Variants in EPG5 observed in about 807,000 individuals in gnomAD.
EPG5 encodes the protein ectopic P granules protein 5 homolog.
In EPG5, 159 loss-of-function variants were observed where a neutral mutation model predicts 302.7. That is an observed-to-expected ratio of 0.53 (90% CI 0.46 to 0.60). The LOEUF is 0.60. Among genes scored for constraint, EPG5 ranks in the 20% least tolerant of loss-of-function variants. EPG5 has a pLI of 0.00. For synonymous variants in EPG5, 1,158 were observed against 1,136.8 expected (o/e 1.02, Z -0.37); for missense variants, 2,896 against 3,092.4 (o/e 0.94, Z 1.51).
At chr18:45,911,473 TAG>T (rs1568146586) in intron 22 of EPG5, among the ~76,000 whole-genome samples, 214 of 151,998 alleles carry the variant, frequency 1.4e-3, no homozygotes, top group African/African-American at 5.0e-3. Context: ...TTTTTTTTTT[TAG>T]TAGAGACGGG....
chr18:45,932,361 A>T (rs926379707), intron 11 of EPG5, among the ~76,000 whole-genome samples: 3 of 152,202 alleles, frequency 2.0e-5, no homozygotes, highest in African/African-American at 7.2e-5. Context: ...TGTTGATTAG[A>T]CTAGAAATAA....
rs534440575 is a variant in EPG5, at chr18:45,903,912, A to C, written c.4474+61T>G. On this transcript the variant is annotated intron_variant, in intron 25 of 43. Transcript: ENST00000282041. ...ATAAAGTATGTCAGCCTCAACCCTCAATGGCTCTGATTCAATCATTCATTC... is the reference window on the plus strand; with the variant it reads ...ATAAAGTATGTCAGCCTCAACCCTCCATGGCTCTGATTCAATCATTCATTC... 2.5e-4 allele frequency: 375 copies of C among 1,513,418 alleles called. 3 individuals are homozygous for C. The South Asian group carries it at 4.6e-3, about 19-fold the overall frequency. 93.7% of individuals were successfully genotyped at this position (1,513,418 alleles called of 1,614,324 possible).
chr18:45,837,868 C>A, the EPG5 span: 1 of 1,533,300 alleles, frequency 6.5e-7, no homozygotes, highest in Non-Finnish European at 8.7e-7. Flanking sequence ...GCTACGAGAG[C>A]CGCCACGGCG....
At position 45,922,334 on chromosome 18, in the gene EPG5, A is replaced by C. The variant is rs1170061169; in HGVS notation, c.3098+7T>G. 1.2e-6 allele frequency: 2 copies of C among 1,613,972 alleles called. No individual in the cohort carries two copies. The highest frequency in any genetic ancestry group is 2.7e-5 in the African/African-American group (2 of 74,938). On this transcript the variant is annotated splice_region_variant and intron_variant, in intron 16 of 43. Coordinates refer to ENST00000282041, the MANE Select transcript of EPG5 (RefSeq NM_020964.3). The stretch of plus-strand genomic sequence containing the variant: ...AGTAACCCTAGTGGTTCAGCCCAAC[A>C]CTGTACCTGTGGCCCACAGCTGTCA...
In EPG5 at chr18:45,929,025, G is replaced by A. The variant is rs550407878; in HGVS notation, c.2413-16C>T. The A allele has an allele frequency of 7.5e-5, 121 of 1,608,200 alleles. 2 individuals are homozygous for A. The South Asian group carries it at 1.1e-3, about 15-fold the overall frequency. ...CATAAGATACCTAAATGGGGGGAAG[G>A]GGGAAGAAGATGGCACTTTTAATAT... On this transcript the variant is annotated splice_polypyrimidine_tract_variant and intron_variant, in intron 12 of 43. Transcript: ENST00000282041.
chr18:45,955,061 C>A lies in EPG5; in HGVS notation c.341G>T (p.Gly114Val), dbSNP rs1465876496. The change falls in exon 2 of 44, where the codon GGG (glycine) becomes GTG (valine). Residue 114 changes from glycine to valine, a missense_variant. By Grantham distance (109) the Gly-to-Val change is moderately radical. Transcript: ENST00000282041. ...KEGGEARPCV[G>V]DSAVTPKVHP... ...GACCTTTGGAGTGACTGCACTGTCC[C>A]CCACACAGGGTCTGGCCTCTCCCCC... is the stretch of plus-strand genomic sequence containing the variant. 1.3e-5 allele frequency: 21 copies of A among 1,614,138 alleles called. No individual in the cohort carries two copies. Among genetic ancestry groups the A allele is most frequent in the Non-Finnish European group, 1.7e-5 (20 of 1,180,020 alleles).
chr18:45,932,341 G>A (rs926834275), intron 11 of EPG5, among the ~76,000 whole-genome samples: 6 of 152,122 alleles, frequency 3.9e-5, no homozygotes, highest in Non-Finnish European at 4.4e-5. Context: ...CACTTTACTA[G>A]TAGTCAGAAT....
chr18:45,936,865 T>C (rs2050540905), intron 10 of EPG5, among the ~76,000 whole-genome samples: 1 of 150,192 alleles, frequency 6.7e-6, no homozygotes, highest in Non-Finnish European at 1.5e-5. Flanking sequence ...AATCATCCAA[T>C]TACAAATTAT....
the EPG5 span, among the ~76,000 whole-genome samples, chr18:45,814,579 C>A: frequency 1.9e-3 from 282 of 152,174 alleles, no homozygotes; most frequent in Admixed American, 3.9e-3. Context: ...AAAGTTAGAA[C>A]CTGAAATATT....
At chr18:45,835,696 C>G in the EPG5 span, among the ~76,000 whole-genome samples, 1 of 152,214 alleles carries the variant, frequency 6.6e-6, no homozygotes, top group Non-Finnish European at 1.5e-5. Context: ...TCCAGTAACA[C>G]TTTTACCTGA....
In EPG5 at chr18:45,880,194, A is replaced by T. The variant is rs1599479322; in HGVS notation, c.5548T>A (p.Cys1850Ser). The change falls in exon 32 of 44, where the codon TGT (cysteine) becomes AGT (serine). Residue 1850 changes from cysteine (C) to serine (S), a missense_variant. This residue lies in a region of EPG5 where 790 missense variants were observed against 798.0 expected (regional missense o/e 0.99). Transcript: ENST00000282041. ...AGGGCTCTCAGAGTGGCCTTCCAAC[A>T]CTCGGGGCTCAGAAGCTGCTCCGCG... Reference protein sequence around the residue: ...SSAEQLLSPECWKATLRALGC... With the variant: ...SSAEQLLSPESWKATLRALGC... 1 of 1,607,542 alleles carries T rather than the reference A, an allele frequency of 6.2e-7. No individual in the cohort carries two copies.
At chr18:45,836,181 G>A in the EPG5 span, among the ~76,000 whole-genome samples, 2 of 152,132 alleles carry the variant, frequency 1.3e-5, no homozygotes, top group Non-Finnish European at 2.9e-5. Flanking sequence ...AAGAGCACTG[G>A]GCTTGGGGTC....
the EPG5 span, among the ~76,000 whole-genome samples, chr18:45,816,672 G>A: frequency 2.6e-5 from 4 of 152,180 alleles, no homozygotes; most frequent in South Asian, 6.2e-4. Context: ...GCTGCAGTTG[G>A]GAATGTAAGT....
At chr18:45,857,099 G>GTTTA (rs72476881) in intron 42 of EPG5, among the ~76,000 whole-genome samples, 1,786 of 150,634 alleles carry the variant, frequency 0.012, 16 homozygotes, top group Middle Eastern at 0.024. Context: ...TTATATTTGT[G>GTTTA]TTTATTTATT....
At chr18:45,909,509 T>A (rs1395661268) in intron 23 of EPG5, among the ~76,000 whole-genome samples, 1 of 152,170 alleles carries the variant, frequency 6.6e-6, no homozygotes. Context: ...CTAGCTATTG[T>A]GTATTGAGGA....
chr18:45,911,004 T>C (rs112361696), intron 22 of EPG5, among the ~76,000 whole-genome samples: 1 of 151,938 alleles, frequency 6.6e-6, no homozygotes, highest in Non-Finnish European at 1.5e-5. Context: ...TGGTTTCTAT[T>C]CTTGAAGAAC....
chr18:45,874,848 G>C (rs758558568), intron 35 of EPG5, among the ~76,000 whole-genome samples: 13 of 152,218 alleles, frequency 8.5e-5, no homozygotes, highest in Non-Finnish European at 1.8e-4. Flanking sequence ...CCATGGGCCA[G>C]AAGCAAAGAG....
At position 45,865,699 on chromosome 18, in the gene EPG5, C is replaced by T; in HGVS notation, c.6682G>A (p.Glu2228Lys). The T allele has an allele frequency of 1.2e-6, 2 of 1,613,334 alleles. No individual in the cohort carries two copies. Among genetic ancestry groups the T allele is most frequent in the South Asian group, 1.1e-5 (1 of 91,072 alleles). The change falls in exon 39 of 44, where the codon GAA becomes AAA. Residue 2228 changes from glutamate to lysine, a missense_variant. By Grantham distance (56) the Glu-to-Lys change is moderately conservative. Coordinates refer to ENST00000282041, the MANE Select transcript of EPG5 (RefSeq NM_020964.3). ...HQMVQFLSTLEQNGKITLAVL... is the reference protein window; with the variant it reads ...HQMVQFLSTLKQNGKITLAVL... ...GCTAAGGTGATTTTTCCATTTTGTT[C>T]CAGGGTGCTGAGGAATTGAACCATC... is the stretch of plus-strand genomic sequence containing the variant.
chr18:45,943,234 G>C lies in EPG5; in HGVS notation c.1870C>G (p.Leu624Val), dbSNP rs1482089047. ...TTAAAGGTTTCTAACCCCACAGCCA[G>C]AAGTTCCACTAGTGAGTTGGCAAAG... ...FAFANSLVEL[L>V]AVGLETFNRA... The change falls in exon 9 of 44, where the codon CTG becomes GTG. Residue 624 changes from leucine to valine, a missense_variant. Physicochemically the swap from Leu to Val is conservative, Grantham distance 32. Transcript: ENST00000282041. 1 of 1,614,150 alleles carries C rather than the reference G, an allele frequency of 6.2e-7. No individual in the cohort carries two copies. Among genetic ancestry groups the C allele is most frequent in the Admixed American group, 1.7e-5 (1 of 60,026 alleles).
Sources: gnomAD v4.1 joint callset for allele counts (sites outside exome capture counted in the v4.1 genomes callset) on GRCh38, gnomAD v4.1.1 for gene constraint, gnomAD v4.1.1 regional missense constraint, MANE v1.5 for transcripts, NCBI Gene and HGNC (gene_info 2026-07-23, HGNC 2026-07-21) for gene names.